Variants in STRN3 observed in about 807,000 individuals in gnomAD.
The protein encoded by STRN3 is striatin 3.
A neutral mutation model predicts 95.6 loss-of-function variants in STRN3; 29 were observed. The ratio of observed to expected loss-of-function variants is 0.30; its 90% CI spans 0.23 to 0.41. The LOEUF (loss-of-function observed/expected upper bound fraction) is 0.41, where lower values mean the gene tolerates loss of function less well. Ranked by LOEUF, STRN3 falls within the 10% of genes least tolerant of loss-of-function variation. The probability of loss-of-function intolerance (pLI) is 1.00; values close to 1 mark genes in which losing one functional copy is unlikely to be tolerated. For synonymous variants in STRN3, 331 were observed against 357.6 expected (o/e 0.93, Z 0.84); for missense variants, 890 against 972.1 (o/e 0.92, Z 1.12).
intron 1 of STRN3, among the ~76,000 whole-genome samples, chr14:30,963,302 C>T (rs1247691980): frequency 6.6e-6 from 1 of 152,190 alleles, no homozygotes; most frequent in Non-Finnish European, 1.5e-5. Flanking sequence ...CTAGCTCTAA[C>T]ACACATATGC....
intron 1 of STRN3, among the ~76,000 whole-genome samples, chr14:30,996,324 G>A (rs1882196041): frequency 6.6e-6 from 1 of 152,132 alleles, no homozygotes; most frequent in Non-Finnish European, 1.5e-5. Context: ...GCACAAAGTG[G>A]CACTGCAAAT....
rs1283898596 is a variant in STRN3 at position 30,911,021 on chromosome 14, A to T, written c.1720+20T>A. 1 of 1,608,338 alleles carries T rather than the reference A, an allele frequency of 6.2e-7. No individual in the cohort carries two copies. The highest frequency in any genetic ancestry group is 8.5e-7 in the Non-Finnish European group (1 of 1,178,288). ...AGCTCCATTCACTTAAAAAAAATAC[A>T]TTTTGATCATTTTACTTACCATATG... On this transcript the variant is annotated intron_variant, in intron 13 of 17. Coordinates refer to ENST00000357479, the MANE Select transcript of STRN3 (RefSeq NM_001083893.2).
intron 15 of STRN3, 44 bp from the exon 16 acceptor site, chr14:30,902,687 A>G: frequency 1.6e-6 from 2 of 1,288,956 alleles, no homozygotes; most frequent in Non-Finnish European, 2.2e-6. Flanking sequence ...CAAACCTTTA[A>G]TAAGAAGTTG....
At chr14:30,911,571 C>T (rs1419946100) in intron 12 of STRN3, among the ~76,000 whole-genome samples, 31 of 152,062 alleles carry the variant, frequency 2.0e-4, no homozygotes, top group Admixed American at 2.0e-3. Flanking sequence ...CGAAAATCCT[C>T]AGATTACAGG....
intron 8 of STRN3, 26 bp downstream of exon 8, chr14:30,929,175 T>C (rs373986867): frequency 1.3e-4 from 206 of 1,554,032 alleles, no homozygotes; most frequent in Middle Eastern, 8.5e-4. Context: ...TATACAAAAA[T>C]TATAATAGTC....
At chr14:30,930,355 C>T (rs1878470755) in intron 7 of STRN3, among the ~76,000 whole-genome samples, 1 of 152,078 alleles carries the variant, frequency 6.6e-6, no homozygotes, top group Non-Finnish European at 1.5e-5. Flanking sequence ...AAGAGACACC[C>T]TAGGCCTCAC....
At chr14:30,905,177 T>C (rs1014845281) in intron 15 of STRN3, among the ~76,000 whole-genome samples, 10 of 152,180 alleles carry the variant, frequency 6.6e-5, no homozygotes, top group African/African-American at 1.9e-4. Flanking sequence ...TGTTATTTTC[T>C]CTACTTTCAC....
intron 1 of STRN3, among the ~76,000 whole-genome samples, chr14:30,982,382 A>G (rs1172955348): frequency 6.6e-6 from 1 of 152,156 alleles, no homozygotes; most frequent in Non-Finnish European, 1.5e-5. Context: ...ATCTCAGCTT[A>G]CTGCAACCTC....
rs1896637973 is a variant in STRN3 at position 30,912,539 on chromosome 14, C to T, written c.1375-357G>A. Among the ~76,000 whole-genome samples, 2 of 152,052 alleles carry T rather than the reference C, an allele frequency of 1.3e-5. 1 individual carries two copies. Among genetic ancestry groups the T allele is most frequent in the South Asian group, 4.2e-4 (2 of 4,816 alleles). The stretch of plus-strand genomic sequence containing the variant: ...TAATTACATAAGTTATTACAAATAT[C>T]CAACGGTACAGTATTAACAGTAAAG... On this transcript the variant is annotated intron_variant, in intron 10 of 17. Transcript: ENST00000357479.
At chr14:31,015,513 A>T (rs1045933684) in intron 1 of STRN3, among the ~76,000 whole-genome samples, 2 of 151,812 alleles carry the variant, frequency 1.3e-5, no homozygotes, top group Non-Finnish European at 2.9e-5. Flanking sequence ...GCTGAACTAC[A>T]GGCATGCACC....
At chr14:30,935,392 C>A in intron 6 of STRN3, 88 bp from the exon 7 acceptor site, 2 of 1,405,312 alleles carry the variant, frequency 1.4e-6, no homozygotes, top group South Asian at 2.9e-5. Context: ...ATTTACACAC[C>A]CATTTTAAAA....
At chr14:30,935,955 G>C (rs1878795809) in intron 6 of STRN3, among the ~76,000 whole-genome samples, 1 of 152,100 alleles carries the variant, frequency 6.6e-6, no homozygotes, top group African/African-American at 2.4e-5. Context: ...ACACTACTTT[G>C]GTAATCCACG....
chr14:30,944,517 T>C (rs1879250637), intron 5 of STRN3, among the ~76,000 whole-genome samples: 1 of 145,660 alleles, frequency 6.9e-6, no homozygotes, highest in Non-Finnish European at 1.5e-5. Flanking sequence ...TATATATACA[T>C]AATATATACA....
At chr14:30,910,692 C>T (rs1038381691) in intron 13 of STRN3, among the ~76,000 whole-genome samples, 1 of 151,738 alleles carries the variant, frequency 6.6e-6, no homozygotes, top group African/African-American at 2.4e-5. Context: ...ATGTTGGTTC[C>T]ATTGTCTTTT....
intron 1 of STRN3, among the ~76,000 whole-genome samples, chr14:31,012,596 A>C (rs2139324589): frequency 6.6e-6 from 1 of 152,342 alleles, no homozygotes; most frequent in East Asian, 1.9e-4. Flanking sequence ...GCTGTTAAAA[A>C]GAAGTGAGGA....
chr14:30,988,885 T>C (rs1169520251), intron 1 of STRN3, among the ~76,000 whole-genome samples: 2 of 152,262 alleles, frequency 1.3e-5, no homozygotes, highest in Admixed American at 6.5e-5. Context: ...AGCTCTATAA[T>C]CTCCACTTCC....
chr14:30,981,576 T>TCACACACA (rs34644271), intron 1 of STRN3, among the ~76,000 whole-genome samples: 5,116 of 145,264 alleles, frequency 0.035, 112 homozygotes, highest in East Asian at 0.067. Flanking sequence ...AGCTTAGAAT[T>TCACACACA]CACACACACA....
At position 30,921,069 on chromosome 14, in the gene STRN3, T is replaced by TACACACACACACAC. The variant is rs367677158; in HGVS notation, c.1100-1964_1100-1963insGTGTGTGTGTGTGT. Among the ~76,000 whole-genome samples, 696 of 119,918 alleles carry TACACACACACACAC rather than the reference T, an allele frequency of 5.8e-3. 9 individuals carry two copies. The highest frequency in any genetic ancestry group is 0.038 in the East Asian group (161 of 4,196). The allele number at this position is 119,918 out of a possible 152,430, so 78.7% of individuals were successfully genotyped here. A position where few individuals can be genotyped will look rare whatever the true frequency, so the allele number is the denominator to read the frequency against. ...GGTGAGAAGGCTTTCTACACATACA[T>TACACACACACACAC]ATACACACACACACACACACACACA... is the stretch of plus-strand genomic sequence containing the variant. On this transcript the variant is annotated intron_variant, in intron 8 of 17. Coordinates refer to ENST00000357479, the MANE Select transcript of STRN3 (RefSeq NM_001083893.2).
At chr14:30,974,111 G>T (rs1178667894) in intron 1 of STRN3, among the ~76,000 whole-genome samples, 1 of 152,058 alleles carries the variant, frequency 6.6e-6, no homozygotes. Context: ...TATCAATTAG[G>T]AAACAGAAAT....
Sources: gnomAD v4.1 joint callset for allele counts (sites outside exome capture counted in the v4.1 genomes callset) on GRCh38, gnomAD v4.1.1 for gene constraint, MANE v1.5 for transcripts, NCBI Gene and HGNC (gene_info 2026-07-23, HGNC 2026-07-21) for gene names.